The following ZNF385C variants were observed in gnomAD, a reference collection of about 807,000 sequenced individuals.
The protein encoded by ZNF385C is CTD-2132N18.2.
ZNF385C carries 28 observed loss-of-function variants against 35.4 expected under a neutral mutation model. The observed-to-expected ratio is 0.79, with a 90% CI of 0.59 to 1.08. The LOEUF is 1.08. ZNF385C is among the 50% of genes least tolerant of loss of function. The pLI is 0.00. For missense variants in ZNF385C, 605 were observed against 595.6 expected (o/e 1.02, Z -0.16); for synonymous variants, 248 against 248.2 (o/e 1.00, Z 0.01).
chr17:42,084,789 AT>A (rs1264439922), intron 1 of ZNF385C, among the ~76,000 whole-genome samples: 13 of 149,116 alleles, frequency 8.7e-5, no homozygotes, highest in East Asian at 3.9e-4. Context: ...TTAAAAAAAA[AT>A]TTTTTTTTTA....
At chr17:42,041,101 T>C in intron 2 of ZNF385C, 2 of 1,232,260 alleles carry the variant, frequency 1.6e-6, no homozygotes, top group Non-Finnish European at 2.0e-6. Context: ...CTCCGGCCAG[T>C]CTCTGGTCTC....
intron 1 of ZNF385C, among the ~76,000 whole-genome samples, chr17:42,084,294 C>A (rs766398838): frequency 2.8e-4 from 42 of 150,512 alleles, no homozygotes; most frequent in Middle Eastern, 3.4e-3. Context: ...CACACCACTA[C>A]ACTCTAGCCT....
chr17:42,079,249 C>G (rs1180653542), intron 1 of ZNF385C, among the ~76,000 whole-genome samples: 28 of 134,264 alleles, frequency 2.1e-4, no homozygotes, highest in African/African-American at 7.7e-4. Context: ...CATATATGAA[C>G]AAAAATTAGC....
At chr17:42,034,577 C>G (rs2052800350) in intron 3 of ZNF385C, among the ~76,000 whole-genome samples, 1 of 151,090 alleles carries the variant, frequency 6.6e-6, no homozygotes, top group Non-Finnish European at 1.5e-5. Context: ...GTTGGGAGTT[C>G]AAGACCAGCC....
chr17:42,037,598 G>T, intron 3 of ZNF385C, 139 bp downstream of exon 3: 2 of 1,051,824 alleles, frequency 1.9e-6, no homozygotes, highest in Non-Finnish European at 2.6e-6. Flanking sequence ...TATTTGGGGA[G>T]CACCTATCCC....
intron 1 of ZNF385C, among the ~76,000 whole-genome samples, chr17:42,088,224 C>T (rs1299909251): frequency 6.6e-6 from 1 of 152,196 alleles, no homozygotes; most frequent in Non-Finnish European, 1.5e-5. Flanking sequence ...ACTGAGATTT[C>T]CACTTTACAG....
chr17:42,064,073 T>TACACACACACACAC lies in ZNF385C; in HGVS notation c.-2-1029_-2-1016dup, dbSNP rs55771386. On this transcript the variant is annotated intron_variant, in intron 1 of 8. Transcript: ENST00000692273. ...GTCCCCCAACGCGCGCACACGCACA[T>TACACACACACACAC]ACACACACACACACACACACACACA... Among the ~76,000 whole-genome samples, 1,233 of 129,794 alleles carry TACACACACACACAC rather than the reference T, an allele frequency of 9.5e-3. 27 individuals are homozygous for TACACACACACACAC. The highest frequency in any genetic ancestry group is 0.013 in the Non-Finnish European group (799 of 60,908). The allele number at this position is 129,794 out of a possible 152,430, so 85.1% of individuals were successfully genotyped here.
In ZNF385C at chr17:42,029,029, TTGG is replaced by T; in HGVS notation, c.718_720del (p.Pro240del). 6.5e-7 allele frequency: 1 copy of T among 1,549,832 alleles called. No homozygotes were observed. The highest frequency in any genetic ancestry group is 8.7e-7 in the Non-Finnish European group (1 of 1,146,826). On this transcript the variant is annotated inframe_deletion, in exon 6 of 9. Transcript: ENST00000692273. ...GGCTCCCTGCATGTAGGGTCTGGAG[TTGG>T]TGGTGGCTGGAGTGGAGGCCCAAGA... is the stretch of plus-strand genomic sequence containing the variant.
intron 2 of ZNF385C, among the ~76,000 whole-genome samples, chr17:42,059,991 G>A (rs1463021013): frequency 6.6e-6 from 1 of 152,134 alleles, no homozygotes; most frequent in Non-Finnish European, 1.5e-5. Flanking sequence ...GATTGGGAAG[G>A]GAGGAGCTTT....
At chr17:42,055,897 G>C (rs1555657528) in intron 2 of ZNF385C, among the ~76,000 whole-genome samples, 1 of 152,116 alleles carries the variant, frequency 6.6e-6, no homozygotes, top group Non-Finnish European at 1.5e-5. Flanking sequence ...GCAGAGTAGG[G>C]GAGCCTAGAT....
At chr17:42,067,415 T>G (rs1076188) in intron 1 of ZNF385C, among the ~76,000 whole-genome samples, 64,087 of 151,910 alleles carry the variant, frequency 0.42, 13,628 homozygotes, top group Admixed American at 0.5. Flanking sequence ...CAAACCCTGC[T>G]GCTAGGGTTT....
intron 4 of ZNF385C, among the ~76,000 whole-genome samples, chr17:42,032,811 C>T (rs988491910): frequency 6.6e-6 from 1 of 151,732 alleles, no homozygotes; most frequent in Non-Finnish European, 1.5e-5. Flanking sequence ...CTCCTGGGTT[C>T]AAGCGATTCT....
At chr17:42,044,523 G>C (rs1160948559) in intron 2 of ZNF385C, among the ~76,000 whole-genome samples, 1 of 151,934 alleles carries the variant, frequency 6.6e-6, no homozygotes, top group Non-Finnish European at 1.5e-5. Context: ...GGCTGAGGCA[G>C]GAGAATCGCT....
chr17:42,095,331 C>T lies in ZNF385C; in HGVS notation c.-3+3079G>A, dbSNP rs1326863258. On this transcript the variant is annotated intron_variant, in intron 1 of 8. Coordinates refer to ENST00000692273, the MANE Select transcript of ZNF385C (RefSeq NM_001392013.1). This position sits in a 1 kb window ranked among gnomAD's most constrained non-coding sequence, Gnocchi z 4.4. ...CCCCCGCCGCCTGGCCAGCTGACCC[C>T]ACAGTCTCCCCTGTCCCAAGCCCAA... is the stretch of plus-strand genomic sequence containing the variant. Among the ~76,000 whole-genome samples, 3 of 152,208 alleles carry T rather than the reference C, an allele frequency of 2.0e-5. No homozygotes were observed. The highest frequency in any genetic ancestry group is 4.8e-5 in the African/African-American group (2 of 41,458).
intron 1 of ZNF385C, among the ~76,000 whole-genome samples, chr17:42,092,443 G>A (rs1321181261): frequency 1.3e-5 from 2 of 152,120 alleles, no homozygotes; most frequent in African/African-American, 4.8e-5. Context: ...GGTGCTCATA[G>A]GATGGGATGA....
Position 42,057,517 on chromosome 17 carries a change from T to C in ZNF385C, c.250+5290A>G, listed in dbSNP as rs538337553. On this transcript the variant is annotated intron_variant, in intron 2 of 8. Coordinates refer to ENST00000692273, the MANE Select transcript of ZNF385C (RefSeq NM_001392013.1). ...GGGTGTGCGCGCGCGCGCGCGCGTG[T>C]GTGTGTGTGTGTGTGTGTGTGTGAT... Among the ~76,000 whole-genome samples, 989 of 148,338 alleles carry C rather than the reference T, an allele frequency of 6.7e-3. 6 individuals carry two copies. The highest frequency in any genetic ancestry group is 0.021 in the African/African-American group (819 of 38,824).
rs543368102 is a variant in ZNF385C at position 42,048,101 on chromosome 17, C to T, written c.251-10216G>A. ...CTGGAGGTCATCTCCTCCCCCCCTT[C>T]CCAACTTCAAATTGTCTAACATTTC... On this transcript the variant is annotated intron_variant, in intron 2 of 8. Coordinates refer to ENST00000692273, the MANE Select transcript of ZNF385C (RefSeq NM_001392013.1). Among the ~76,000 whole-genome samples the T allele has an allele frequency of 6.6e-5, 10 of 152,236 alleles. No individual in the cohort carries two copies. The East Asian group carries it at 1.7e-3, about 26-fold the overall frequency.
At chr17:42,072,462 A>G (rs2053638237) in intron 1 of ZNF385C, among the ~76,000 whole-genome samples, 1 of 152,112 alleles carries the variant, frequency 6.6e-6, no homozygotes, top group African/African-American at 2.4e-5. Flanking sequence ...CTAAGTGCTG[A>G]GCACGCGGCG....
chr17:42,083,208 G>GT (rs1169797704), intron 1 of ZNF385C, among the ~76,000 whole-genome samples: 330 of 144,606 alleles, frequency 2.3e-3, no homozygotes, highest in Middle Eastern at 7.2e-3. Context: ...ATGTTTTTTT[G>GT]TTTTTTTTTT....
Sources: gnomAD v4.1 joint callset for allele counts (sites outside exome capture counted in the v4.1 genomes callset) on GRCh38, gnomAD v4.1.1 for gene constraint, Gnocchi (gnomAD v3.1) non-coding constraint, MANE v1.5 for transcripts, NCBI Gene and HGNC (gene_info 2026-07-23, HGNC 2026-07-21) for gene names.